FANCA: variants seen among roughly 807,000 people sequenced by gnomAD.
The protein encoded by FANCA is Fanconi anemia group A protein.
Under a neutral mutation model 194.3 loss-of-function variants are expected in FANCA, and 236 were observed. The observed-to-expected ratio is 1.21, with a 90% CI of 1.09 to 1.35. The LOEUF (loss-of-function observed/expected upper bound fraction) is 1.35, where lower values mean the gene tolerates loss of function less well. Ranked by LOEUF, FANCA falls within the 40% of genes most tolerant of loss-of-function variation. The pLI, the probability that FANCA is intolerant of heterozygous loss-of-function variation, is 0.00. For synonymous variants in FANCA, 1,014 were observed against 715.8 expected, an observed-to-expected ratio of 1.42 and a Z score of -6.65; for missense variants, 2,628 against 1,813.9, an observed-to-expected ratio of 1.45 and a Z score of -8.15.
chr16:89,739,670 TG>T (rs776274579), intron 39 of FANCA, 117 bp from the exon 40 acceptor site: 109 of 1,510,276 alleles, frequency 7.2e-5, no homozygotes, highest in Non-Finnish European at 8.2e-5. Flanking sequence ...GGGGATAGTG[TG>T]GGGCGAACAG....
intron 6 of FANCA, among the ~76,000 whole-genome samples, chr16:89,806,286 G>C (rs188269284): frequency 6.6e-6 from 1 of 151,668 alleles, no homozygotes; most frequent in Admixed American, 6.6e-5. Flanking sequence ...GCTACTACTG[G>C]GTAGAGTGCT....
At chr16:89,814,169 C>T (rs1164780657) in intron 3 of FANCA, among the ~76,000 whole-genome samples, 1 of 152,140 alleles carries the variant, frequency 6.6e-6, no homozygotes, top group Non-Finnish European at 1.5e-5. Flanking sequence ...GAAGGAGGTA[C>T]CTAGAAAATT....
At chr16:89,797,267 G>T (rs1024832039) in intron 10 of FANCA, among the ~76,000 whole-genome samples, 6 of 152,062 alleles carry the variant, frequency 3.9e-5, no homozygotes, top group Non-Finnish European at 7.4e-5. Flanking sequence ...GGAGGCATAG[G>T]TTGTAGTAAA....
rs747114102 is a variant in FANCA, at chr16:89,770,612, G to C, written c.2174C>G (p.Ser725Cys). 12 of 1,611,688 alleles carry C rather than the reference G, an allele frequency of 7.4e-6. No individual in the cohort carries two copies. Among genetic ancestry groups the C allele is most frequent in the Non-Finnish European group, 1.0e-5 (12 of 1,178,998 alleles). ...GGCAGCCATCAGGTTCTGACAGAAA[G>C]ACGTCAGCAGGAGGTCCACAGCCTG... ...EHMAVDLLLT[S>C]FCQNLMAASS... The change falls in exon 24 of 43, where the codon TCT becomes TGT. Residue 725 changes from serine (S) to cysteine (C), a missense_variant. By Grantham distance (112) the Ser-to-Cys change is moderately radical (BLOSUM62 -1). Coordinates refer to ENST00000389301, the MANE Select transcript of FANCA (RefSeq NM_000135.4).
intron 8 of FANCA, among the ~76,000 whole-genome samples, chr16:89,800,646 C>T (rs2040414012): frequency 6.6e-6 from 1 of 152,180 alleles, no homozygotes. Flanking sequence ...AATCACACTG[C>T]CTGAGGTCAA....
Position 89,806,896 on chromosome 16 carries a change from G to C in FANCA, c.596+1398C>G, listed in dbSNP as rs181713200. Among the ~76,000 whole-genome samples the C allele has an allele frequency of 2.8e-3, 427 of 152,272 alleles. 1 individual carries two copies. Among genetic ancestry groups the C allele is most frequent in the African/African-American group, 9.9e-3 (410 of 41,558 alleles). On this transcript the variant is annotated intron_variant, in intron 6 of 42. Transcript: ENST00000389301. The stretch of plus-strand genomic sequence containing the variant: ...TCCCAGACGGGGTGGTGGCCGGGTA[G>C]AGGGGCTCCTCACTTCCCAGTATGG...
intron 39 of FANCA, chr16:89,739,775 C>T (rs1249740023): frequency 1.4e-6 from 2 of 1,473,736 alleles, no homozygotes; most frequent in African/African-American, 2.8e-5. Context: ...CAGAGAGAGG[C>T]AGTCCCCATG....
chr16:89,784,733 G>C, intron 15 of FANCA, 121 bp downstream of exon 15: 1 of 800,506 alleles, frequency 1.2e-6, no homozygotes, highest in South Asian at 1.3e-5. Context: ...GGAAGGGGAA[G>C]GGCCTGGCTG....
intron 12 of FANCA, 143 bp downstream of exon 12, chr16:89,792,328 C>T (rs906926294): frequency 1.0e-6 from 1 of 957,724 alleles, no homozygotes. Context: ...TGAGTGGTGG[C>T]CTTGATGAGG....
chr16:89,773,334 C>T lies in FANCA; in HGVS notation c.1951G>A (p.Gly651Arg), dbSNP rs140785340. 24 of 1,551,598 alleles carry T rather than the reference C, an allele frequency of 1.5e-5. No individual in the cohort carries two copies. The African/African-American group carries it at 3.1e-4, about 20-fold the overall frequency. The change falls in exon 22 of 43, where the codon GGA (glycine) becomes AGA (arginine). Residue 651 changes from glycine to arginine, a missense_variant. Gly to Arg is a moderately radical substitution (Grantham distance 125). Transcript: ENST00000389301. ...TCTCCCAGTGCAGCTGTGAGCTGTC[C>T]CAGGGGCTCCTCAGCAGAGTTGGGT... Reference protein sequence around the residue: ...AEPNSAEEPLGQLTAALGELR... With the variant: ...AEPNSAEEPLRQLTAALGELR...
At chr16:89,796,584 C>G (rs952564724) in intron 10 of FANCA, among the ~76,000 whole-genome samples, 3 of 152,174 alleles carry the variant, frequency 2.0e-5, no homozygotes, top group African/African-American at 7.2e-5. Flanking sequence ...GGTCACAGAG[C>G]CAGGTGGCAA....
chr16:89,749,924 G>C (rs745578276), intron 31 of FANCA, 22 bp from the exon 32 acceptor site: 16 of 1,613,222 alleles, frequency 9.9e-6, no homozygotes, highest in South Asian at 2.2e-5. Flanking sequence ...CAGTATGCTG[G>C]CACAGGAAGG....
At chr16:89,747,826 C>T (rs944044030) in intron 33 of FANCA, among the ~76,000 whole-genome samples, 1 of 152,234 alleles carries the variant, frequency 6.6e-6, no homozygotes, top group Non-Finnish European at 1.5e-5. Context: ...GGAGCAGAAG[C>T]TGCTCTCTGT....
rs2062170307 is a variant in FANCA, at chr16:89,742,843, T to A, written c.3722A>T (p.Asn1241Ile). ...CAGCTTCTTTAGCTGCTTCCTGATG[T>A]TTTCTTCCCTGACTTGTTGAATCGC... ...HFAIQQVREE[N>I]IRKQLKKLDC... Residue 1241 changes from asparagine to isoleucine, a missense_variant, in exon 37 of 43, where the codon AAC becomes ATC. Transcript: ENST00000389301. 1.2e-6 allele frequency: 2 copies of A among 1,614,058 alleles called. No individual in the cohort carries two copies. Among genetic ancestry groups the A allele is most frequent in the East Asian group, 2.2e-5 (1 of 44,872 alleles).
rs192188499 is a variant in FANCA, at chr16:89,740,092, G to T, written c.3836C>A (p.Thr1279Lys). Reference protein sequence around the residue: ...LSSHLTSNSTTDLPKAFHVCA... With the variant: ...LSSHLTSNSTKDLPKAFHVCA... ...AACGTGGAAAGCCTTTGGCAGGTCT[G>T]TGGTGCTCTGTAAACCGCAGGAGAC... Residue 1279 changes from threonine to lysine, a missense_variant, in exon 39 of 43, where the codon ACA (threonine) becomes AAA (lysine). Coordinates refer to ENST00000389301, the MANE Select transcript of FANCA (RefSeq NM_000135.4). 5 of 1,614,140 alleles carry T rather than the reference G, an allele frequency of 3.1e-6. No homozygotes were observed. The East Asian group carries it at 1.1e-4, about 36-fold the overall frequency.
intron 32 of FANCA, 136 bp downstream of exon 32, chr16:89,749,594 T>C (rs2143136352): frequency 2.7e-6 from 3 of 1,115,680 alleles, no homozygotes; most frequent in East Asian, 5.2e-5. Context: ...GCCACAGAAA[T>C]GGACAGGCTT....
intron 30 of FANCA, among the ~76,000 whole-genome samples, chr16:89,756,287 T>C (rs2038764716): frequency 1.3e-5 from 2 of 152,078 alleles, no homozygotes; most frequent in Admixed American, 6.6e-5. Context: ...ATTAGGGAAG[T>C]GCAAATCGAA....
chr16:89,806,053 C>T (rs1325840269), intron 6 of FANCA, among the ~76,000 whole-genome samples: 1 of 152,162 alleles, frequency 6.6e-6, no homozygotes, highest in Non-Finnish European at 1.5e-5. Context: ...GCTGGGATTA[C>T]AGGCACCTGC....
At position 89,783,082 on chromosome 16, in the gene FANCA, G is replaced by A. The variant is rs979593313; in HGVS notation, c.1491C>T (p.Pro497=). Residue 497 remains proline, a synonymous_variant, in exon 16 of 43, where the codon CCC becomes CCT. Transcript: ENST00000389301. The stretch of plus-strand genomic sequence containing the variant: ...GGGAGCGGTACTTGCCGGGAACCAG[G>A]GGTGGGTGGAGAATGTGCACCTGAG... ...RYLQVHILHP[P]LVPGKYRSLL... The A allele has an allele frequency of 4.3e-6, 7 of 1,613,566 alleles. No individual in the cohort carries two copies. The highest frequency in any genetic ancestry group is 5.9e-6 in the Non-Finnish European group (7 of 1,179,696).
Sources: gnomAD v4.1 joint callset for allele counts (sites outside exome capture counted in the v4.1 genomes callset) on GRCh38, gnomAD v4.1.1 for gene constraint, MANE v1.5 for transcripts, NCBI Gene and HGNC (gene_info 2026-07-23, HGNC 2026-07-21) for gene names.